The following ISM2 variants were observed in gnomAD, a reference collection of about 807,000 sequenced individuals.
ISM2 encodes isthmin-2.
In ISM2, 50 loss-of-function variants were observed where a neutral mutation model predicts 58.0. The ratio of observed to expected loss-of-function variants is 0.86; its 90% CI spans 0.69 to 1.09. ISM2 has a LOEUF of 1.09. ISM2 is among the 50% of genes least tolerant of loss of function. The pLI is 0.00. For synonymous variants in ISM2, 303 were observed against 312.4 expected (o/e 0.97, Z 0.32); for missense variants, 723 against 745.0 (o/e 0.97, Z 0.34).
At position 77,475,972 on chromosome 14, in the gene ISM2, C is replaced by T. The variant is rs200669081; in HGVS notation, c.1339G>A (p.Glu447Lys). Residue 447 changes from glutamate to lysine, a missense_variant, in exon 7 of 7, where the codon GAG (glutamate) becomes AAG (lysine). By Grantham distance (56) the Glu-to-Lys change is moderately conservative. Coordinates refer to ENST00000342219, the MANE Select transcript of ISM2 (RefSeq NM_199296.3). The surrounding 1 kb of genome is among the most constrained non-coding windows in gnomAD (Gnocchi z 4.1). ...CACCGGAAGCTGCGGCCCTGGTGCT[C>T]GTCCTGTAGGCTCACAGGGCTGTCC... ...AMDSPVSLQDEHQGRSFRWRD... is the reference protein window; with the variant it reads ...AMDSPVSLQDKHQGRSFRWRD... 3.1e-5 allele frequency: 50 copies of T among 1,596,508 alleles called. No individual in the cohort carries two copies. Among genetic ancestry groups the T allele is most frequent in the East Asian group, 3.1e-4 (14 of 44,808 alleles).
intron 1 of ISM2, among the ~76,000 whole-genome samples, chr14:77,486,830 G>A (rs1382242830): frequency 2.0e-5 from 3 of 151,228 alleles, no homozygotes; most frequent in Non-Finnish European, 2.9e-5. Flanking sequence ...ACAGCTAGAG[G>A]AGGTTTCTAC....
At chr14:77,498,262 C>T (rs761790402) in intron 1 of ISM2, 5 of 1,307,754 alleles carry the variant, frequency 3.8e-6, no homozygotes, top group East Asian at 5.2e-5. Flanking sequence ...CCCGCCACTC[C>T]GCAAAGCGCC....
Position 77,482,373 on chromosome 14 carries a change from G to A in ISM2, c.922C>T (p.Gln308Ter), listed in dbSNP as rs1474070479. 6 of 1,614,114 alleles carry A rather than the reference G, an allele frequency of 3.7e-6. No homozygotes were observed. Among genetic ancestry groups the A allele is most frequent in the Admixed American group, 1.7e-5 (1 of 60,014 alleles). ...WFNGTTDNWDQGWLAPGDWVF... is the reference protein window; with the variant it reads ...WFNGTTDNWD ...CAATCCCCGGGGGCCAGCCAGCCCT[G>A]GTCCCAGTTGTCTGTAGTTCCATTG... Residue 308 changes from glutamine to a stop codon, truncating the protein, a stop_gained, in exon 4 of 7, where the codon CAG (glutamine) becomes TAG (stop). Transcript: ENST00000342219. LOFTEE classifies it high-confidence loss of function.
At chr14:77,490,464 G>A (rs1266252689) in intron 1 of ISM2, among the ~76,000 whole-genome samples, 1 of 152,252 alleles carries the variant, frequency 6.6e-6, no homozygotes, top group Non-Finnish European at 1.5e-5. Flanking sequence ...TTAGGTAGGT[G>A]TGAGCATCAT....
At chr14:77,492,924 G>A (rs2079215269) in intron 1 of ISM2, among the ~76,000 whole-genome samples, 1 of 152,118 alleles carries the variant, frequency 6.6e-6, no homozygotes, top group Admixed American at 6.6e-5. Context: ...GAGCCTGGGA[G>A]GCAGAGGTTG....
Position 77,475,582 on chromosome 14 carries a change from A to T in ISM2, c.*13T>A. On this transcript the variant is annotated 3_prime_UTR_variant, in exon 7 of 7. Transcript: ENST00000342219. This position sits in a 1 kb window ranked among gnomAD's most constrained non-coding sequence, Gnocchi z 4.1. ...TGCCCTCTCCCTGCAGTGTCTGTTC[A>T]GCAACCCCGTCACTAGTACTCCTTG... is the stretch of plus-strand genomic sequence containing the variant. 6.5e-7 allele frequency: 1 copy of T among 1,541,312 alleles called. No homozygotes were observed. The highest frequency in any genetic ancestry group is 8.8e-7 in the Non-Finnish European group (1 of 1,141,798).
rs747063740 is a variant in ISM2, at chr14:77,482,508, C to G, written c.787G>C (p.Gly263Arg). Residue 263 changes from glycine (G) to arginine (R), a missense_variant, in exon 4 of 7, where the codon GGG (glycine) becomes CGG (arginine). Coordinates refer to ENST00000342219, the MANE Select transcript of ISM2 (RefSeq NM_199296.3). ...YKGEEKDRAP[G>R]EKGEEKEEDE... ...TCCTCCTTTTCCTCCCCCTTCTCCC[C>G]TGGGGCCCTGTCTTTTTCCTCTCCT... 1.2e-6 allele frequency: 2 copies of G among 1,614,202 alleles called. No homozygotes were observed. The highest frequency in any genetic ancestry group is 1.1e-5 in the South Asian group (1 of 91,086).
chr14:77,485,013 G>A, intron 1 of ISM2, 94 bp from the exon 2 acceptor site: 1 of 1,320,338 alleles, frequency 7.6e-7, no homozygotes, highest in Non-Finnish European at 1.0e-6. Context: ...GAGCCCTGGG[G>A]TCTGACCGGG....
intron 1 of ISM2, 167 bp downstream of exon 1, chr14:77,498,486 G>C (rs1566760929): frequency 8.2e-7 from 1 of 1,213,114 alleles, no homozygotes; most frequent in Non-Finnish European, 1.2e-6. Flanking sequence ...CGGCGCACCT[G>C]GGCAACGCCC....
Position 77,478,523 on chromosome 14 carries a change from C to G in ISM2, c.1114+52G>C. 1.9e-6 allele frequency: 3 copies of G among 1,588,004 alleles called. No homozygotes were observed. In the South Asian group the frequency reaches 3.3e-5, roughly 18 times the overall value. ...CCCACATTCCCAGGGGACCAAGCCT[C>G]CAGCCTAAGCCGCACCAGCCACTCC... is the stretch of plus-strand genomic sequence containing the variant. On this transcript the variant is annotated intron_variant, in intron 5 of 6. Coordinates refer to ENST00000342219, the MANE Select transcript of ISM2 (RefSeq NM_199296.3).
At chr14:77,498,431 C>T (rs1220653959) in intron 1 of ISM2, 1 of 1,220,944 alleles carries the variant, frequency 8.2e-7, no homozygotes. Context: ...TGGTCCGCGG[C>T]AGCCCGGCTC....
intron 4 of ISM2, among the ~76,000 whole-genome samples, chr14:77,479,210 G>A (rs1258794560): frequency 6.6e-6 from 1 of 152,058 alleles, no homozygotes; most frequent in Non-Finnish European, 1.5e-5. Flanking sequence ...GGGACTACAG[G>A]TACGTGCCAC....
chr14:77,478,584 A>G lies in ISM2; in HGVS notation c.1105T>C (p.Ser369Pro). The change falls in exon 5 of 7, where the codon TCC becomes CCC. Residue 369 changes from serine to proline, a missense_variant. By Grantham distance (74) the Ser-to-Pro change is moderately conservative (BLOSUM62 -1). Transcript: ENST00000342219. ...TAGGGGCTCATCTCACCAGGACAGG[A>G]GGGCAGGTCACAGGTACGGGTCTCG... The part of the protein sequence containing the change: ...ATETRTCDLP[S>P]CPGTEDKDTL... 2 of 1,612,720 alleles carry G rather than the reference A, an allele frequency of 1.2e-6. No individual in the cohort carries two copies. Among genetic ancestry groups the G allele is most frequent in the Non-Finnish European group, 8.5e-7 (1 of 1,179,144 alleles).
rs943061252 is a variant in ISM2 at position 77,493,938 on chromosome 14, A to AT, written c.141+4714dup. 8.3e-3 allele frequency among the ~76,000 whole-genome samples: 1,201 copies of AT among 144,076 alleles called. 23 individuals carry two copies. Among genetic ancestry groups the AT allele is most frequent in the African/African-American group, 0.023 (920 of 39,370 alleles). The allele number at this position is 144,076 out of a possible 152,430, so 94.5% of individuals were successfully genotyped here. Reference sequence around the variant, plus strand: ...AGGTGCTTGCTACCATGCCCAGCTAATTTTTTTTTTTTGTATTTTTAGTAG... The same window carrying AT: ...AGGTGCTTGCTACCATGCCCAGCTAATTTTTTTTTTTTTGTATTTTTAGTAG... On this transcript the variant is annotated intron_variant, in intron 1 of 6. Coordinates refer to ENST00000342219, the MANE Select transcript of ISM2 (RefSeq NM_199296.3).
In ISM2 at chr14:77,482,314, G is replaced by A. The variant is rs750284310; in HGVS notation, c.973+8C>T. ...GCAGCCTGGGGATGCCAAGATGGGGGTGCTCACCGTAGCTGACAGAATCCT... is the reference window on the plus strand; with the variant it reads ...GCAGCCTGGGGATGCCAAGATGGGGATGCTCACCGTAGCTGACAGAATCCT... On this transcript the variant is annotated splice_region_variant and intron_variant, in intron 4 of 6. Coordinates refer to ENST00000342219, the MANE Select transcript of ISM2 (RefSeq NM_199296.3). 7 of 1,603,706 alleles carry A rather than the reference G, an allele frequency of 4.4e-6. 1 individual carries two copies. In the South Asian group the frequency reaches 6.7e-5, roughly 15 times the overall value.
At chr14:77,482,970 A>G in intron 3 of ISM2, 1 of 283,362 alleles carries the variant, frequency 3.5e-6, no homozygotes, top group Non-Finnish European at 6.5e-6. Flanking sequence ...CAGGGTTGAC[A>G]CTCACTAGCT....
chr14:77,493,281 C>A (rs148420839), intron 1 of ISM2, among the ~76,000 whole-genome samples: 16 of 152,044 alleles, frequency 1.1e-4, no homozygotes, highest in African/African-American at 3.6e-4. Context: ...CAGGTATGAG[C>A]CACCATGCCT....
intron 1 of ISM2, among the ~76,000 whole-genome samples, chr14:77,497,737 A>AG (rs2079253325): frequency 4.3e-5 from 2 of 46,280 alleles, no homozygotes; most frequent in African/African-American, 1.4e-4. Flanking sequence ...GTAGGAAGGA[A>AG]GGAGGGAGGG....
Position 77,478,285 on chromosome 14 carries a change from C to G in ISM2, c.1155G>C (p.Glu385Asp), listed in dbSNP as rs1333197315. The G allele has an allele frequency of 6.2e-7, 1 of 1,614,224 alleles. No individual in the cohort carries two copies. Among genetic ancestry groups the G allele is most frequent in the Admixed American group, 1.7e-5 (1 of 60,024 alleles). Residue 385 changes from glutamate (E) to aspartate (D), a missense_variant, in exon 6 of 7, where the codon GAG becomes GAC. Transcript: ENST00000342219. ...DKDTLGLPSE[E>D]WKLLARNATD... The stretch of plus-strand genomic sequence containing the variant: ...TAGCATTGCGGGCCAGGAGCTTCCA[C>G]TCCTCACTGGGGAGGCCCAAGGTGT...
Sources: allele counts gnomAD v4.1 joint callset (sites outside exome capture counted in the v4.1 genomes callset), GRCh38; gene constraint gnomAD v4.1.1; non-coding constraint Gnocchi (gnomAD v3.1); transcripts MANE v1.5; gene names NCBI Gene and HGNC (gene_info 2026-07-23, HGNC 2026-07-21).